Variants in FGF14 observed in about 807,000 individuals in gnomAD.
FGF14 encodes fibroblast growth factor homologous factor 4.
A neutral mutation model predicts 25.5 loss-of-function variants in FGF14; 5 were observed. That is an observed-to-expected ratio of 0.20 (90% confidence interval 0.10 to 0.41). FGF14 has a LOEUF of 0.41. Ranked by LOEUF, FGF14 falls within the 10% of genes least tolerant of loss-of-function variation. The pLI is 1.00. For missense variants in FGF14, 222 were observed against 320.1 expected, an observed-to-expected ratio of 0.69 and a Z score of 2.34; for synonymous variants, 138 against 118.3, an observed-to-expected ratio of 1.17 and a Z score of -1.08.
chr13:102,023,536 T>C (rs1429952559), intron 1 of FGF14, among the ~76,000 whole-genome samples: 1 of 151,796 alleles, frequency 6.6e-6, no homozygotes, highest in Non-Finnish European at 1.5e-5. Flanking sequence ...ATCACCACTC[T>C]CTAATTTTCA....
chr13:101,769,480 CT>C (rs1360767157), intron 3 of FGF14, among the ~76,000 whole-genome samples: 1 of 152,144 alleles, frequency 6.6e-6, no homozygotes, highest in African/African-American at 2.4e-5. Context: ...CTAAAAACTT[CT>C]GTCTACACGA....
At chr13:101,878,758 G>A (rs552835572) in intron 1 of FGF14, among the ~76,000 whole-genome samples, 1 of 152,122 alleles carries the variant, frequency 6.6e-6, no homozygotes, top group East Asian at 1.9e-4. Context: ...GATAAAAAAT[G>A]AAACTTCATC....
At chr13:101,968,581 G>C (rs1265044176) in intron 1 of FGF14, among the ~76,000 whole-genome samples, 1 of 151,242 alleles carries the variant, frequency 6.6e-6, no homozygotes, top group East Asian at 2.0e-4. Flanking sequence ...GCTGAGGCAG[G>C]AGAATGGCGT....
chr13:102,130,859 C>G (rs186861411), intron 1 of FGF14, among the ~76,000 whole-genome samples: 1 of 152,010 alleles, frequency 6.6e-6, no homozygotes, highest in African/African-American at 2.4e-5. Flanking sequence ...CCACTATACC[C>G]GAAGGCTATA....
rs551783354 is a variant in FGF14 at position 102,235,681 on chromosome 13, A to G, written c.208+165790T>C. On this transcript the variant is annotated intron_variant, in intron 1 of 4. Coordinates refer to the FGF14 transcript ENST00000376131. Reference sequence around the variant, plus strand: ...TGTAAAACATATTTTCTAGAGAAAAATGTGTCTCTTCAAGGCAACTGGATA... The same window carrying G: ...TGTAAAACATATTTTCTAGAGAAAAGTGTGTCTCTTCAAGGCAACTGGATA... 3.3e-5 allele frequency among the ~76,000 whole-genome samples: 5 copies of G among 152,268 alleles called. No homozygotes were observed. The South Asian group carries it at 1.0e-3, about 32-fold the overall frequency.
At chr13:102,149,787 G>C (rs1412265869) in intron 1 of FGF14, among the ~76,000 whole-genome samples, 1 of 152,150 alleles carries the variant, frequency 6.6e-6, no homozygotes, top group Non-Finnish European at 1.5e-5. Context: ...GCCTTGTAAG[G>C]GGAGTTAACG....
At chr13:102,294,388 G>A (rs2054586705) in intron 1 of FGF14, among the ~76,000 whole-genome samples, 1 of 149,198 alleles carries the variant, frequency 6.7e-6, no homozygotes, top group South Asian at 2.1e-4. Flanking sequence ...ATCTTCCACT[G>A]CTTTTTTCTA....
chr13:102,193,784 G>A (rs534719576), intron 1 of FGF14, among the ~76,000 whole-genome samples: 1 of 152,214 alleles, frequency 6.6e-6, no homozygotes, highest in African/African-American at 2.4e-5. Flanking sequence ...AATGGGATCT[G>A]GTTTCCAGAG....
chr13:102,282,180 C>A (rs1259367535), intron 1 of FGF14, among the ~76,000 whole-genome samples: 1 of 151,922 alleles, frequency 6.6e-6, no homozygotes, highest in African/African-American at 2.4e-5. Context: ...GATTCTCCTG[C>A]CTCAGCCTCC....
intron 1 of FGF14, among the ~76,000 whole-genome samples, chr13:101,984,729 T>A (rs1439800473): frequency 6.6e-6 from 1 of 152,096 alleles, no homozygotes; most frequent in African/African-American, 2.4e-5. Flanking sequence ...CAAAGACACA[T>A]ACATGAAGTG....
chr13:102,195,597 A>C (rs1400171830), intron 1 of FGF14, among the ~76,000 whole-genome samples: 6 of 151,544 alleles, frequency 4.0e-5, no homozygotes, highest in Admixed American at 4.0e-4. Context: ...CAAACAAAAA[A>C]AGACATATAG....
chr13:102,011,804 A>T (rs1231761826), intron 1 of FGF14, among the ~76,000 whole-genome samples: 1 of 152,188 alleles, frequency 6.6e-6, no homozygotes, highest in African/African-American at 2.4e-5. Flanking sequence ...ACAGGGTATA[A>T]TGATTCTATA....
At chr13:101,836,220 C>T (rs2042920357) in intron 3 of FGF14, among the ~76,000 whole-genome samples, 1 of 152,008 alleles carries the variant, frequency 6.6e-6, no homozygotes, top group South Asian at 2.1e-4. Context: ...GGTAAATGTG[C>T]ATCTGCCAAG....
intron 3 of FGF14, among the ~76,000 whole-genome samples, chr13:101,797,735 A>ATGTG (rs1555384521): frequency 0.011 from 373 of 34,056 alleles, 2 homozygotes; most frequent in African/African-American, 0.019. Flanking sequence ...TCATGAATTG[A>ATGTG]TGTGTGTGTG....
chr13:102,288,847 C>T (rs1210478576), intron 1 of FGF14, among the ~76,000 whole-genome samples: 1 of 152,070 alleles, frequency 6.6e-6, no homozygotes, highest in East Asian at 1.9e-4. Flanking sequence ...GGCCTCCCAA[C>T]ATGCTGGGAT....
chr13:102,020,270 C>CT (rs138582467), intron 1 of FGF14, among the ~76,000 whole-genome samples: 4,806 of 151,996 alleles, frequency 0.032, 242 homozygotes, highest in African/African-American at 0.11. Flanking sequence ...AGAGAATAGG[C>CT]GGGTATGGTG....
chr13:101,886,219 C>T (rs373197151), intron 1 of FGF14, among the ~76,000 whole-genome samples: 14 of 152,176 alleles, frequency 9.2e-5, no homozygotes, highest in African/African-American at 3.4e-4. Flanking sequence ...GATGATCATC[C>T]TTTAGAAGTA....
At chr13:101,901,004 AG>A (rs1566402802) in intron 1 of FGF14, among the ~76,000 whole-genome samples, 2 of 152,136 alleles carry the variant, frequency 1.3e-5, no homozygotes, top group Non-Finnish European at 2.9e-5. Context: ...GTCTTGCTTG[AG>A]AAATACTGAA....
intron 3 of FGF14, among the ~76,000 whole-genome samples, chr13:101,823,267 G>A (rs976742520): frequency 1.1e-5 from 1 of 89,982 alleles, no homozygotes; most frequent in African/African-American, 3.8e-5. Context: ...GTTTAATTGA[G>A]GAATTGACAT....
Sources: gnomAD v4.1 joint callset for allele counts (sites outside exome capture counted in the v4.1 genomes callset) on GRCh38, gnomAD v4.1.1 for gene constraint, MANE v1.5 for transcripts, NCBI Gene and HGNC (gene_info 2026-07-23, HGNC 2026-07-21) for gene names.